The following CDAN1 variants were observed in gnomAD, a reference collection of about 807,000 sequenced individuals.
The protein encoded by CDAN1 is codanin-1.
A neutral mutation model predicts 139.8 loss-of-function variants in CDAN1; 107 were observed. The observed-to-expected ratio is 0.77, with a 90% CI of 0.65 to 0.90. The LOEUF is 0.90. Among genes scored for constraint, CDAN1 ranks in the 40% least tolerant of loss-of-function variants. CDAN1 has a pLI of 0.00. For synonymous variants in CDAN1, 776 were observed against 660.6 expected, an observed-to-expected ratio of 1.17 and a Z score of -2.68; for missense variants, 1,667 against 1,575.7, an observed-to-expected ratio of 1.06 and a Z score of -0.98.
In CDAN1 at chr15:42,733,149, G is replaced by C; in HGVS notation, c.1405C>G (p.His469Asp). The C allele has an allele frequency of 1.9e-6, 3 of 1,614,026 alleles. No homozygotes were observed. In the Admixed American group the frequency reaches 5.0e-5, roughly 27 times the overall value. ...FYEVLREWED[H>D]HEEPGWDFEK... ...AAATCCCAGCCAGGCTCCTCATGGT[G>C]ATCTTCCCACTCTCGCAGCACCTCA... Residue 469 changes from histidine (H) to aspartate (D), a missense_variant, in exon 9 of 28, where the codon CAC (histidine) becomes GAC (aspartate). Physicochemically the swap from His to Asp is moderately conservative, Grantham distance 81. Transcript: ENST00000356231.
Position 42,735,175 on chromosome 15 carries a change from G to A in CDAN1, c.1061C>T (p.Ser354Phe), listed in dbSNP as rs771447369. Residue 354 changes from serine to phenylalanine, a missense_variant, in exon 6 of 28, where the codon TCC becomes TTC. Physicochemically the swap from Ser to Phe is radical, Grantham distance 155 (BLOSUM62 -2). This residue lies in a region of CDAN1 where 244 missense variants were observed against 309.4 expected (regional missense o/e 0.79). Coordinates refer to ENST00000356231, the MANE Select transcript of CDAN1 (RefSeq NM_138477.4). ...GCTTTGGAACAGTGGACTTTCCAGGGAATCTAGAAGGACAGTACCAAGCTG... is the reference window on the plus strand; with the variant it reads ...GCTTTGGAACAGTGGACTTTCCAGGAAATCTAGAAGGACAGTACCAAGCTG... The part of the protein sequence containing the change: ...DPELSPAVLD[S>F]LESPLFQSIH... The A allele has an allele frequency of 6.2e-7, 1 of 1,613,078 alleles. No homozygotes were observed. The highest frequency in any genetic ancestry group is 8.5e-7 in the Non-Finnish European group (1 of 1,179,104).
chr15:42,735,598 G>C lies in CDAN1; in HGVS notation c.855C>G (p.Ser285Arg). The C allele has an allele frequency of 6.2e-7, 1 of 1,614,234 alleles. No individual in the cohort carries two copies. ...LGSPLPSRTGSLTDEPADPAR... is the reference protein window; with the variant it reads ...LGSPLPSRTGRLTDEPADPAR... ...CAGGGTCTGCAGGTTCATCTGTGAG[G>C]CTTCCTGTCCGGCTGGGGAGGGGCG... Residue 285 changes from serine to arginine, a missense_variant, in exon 4 of 28, where the codon AGC becomes AGG. Ser to Arg is a moderately radical substitution (Grantham distance 110). Around this residue, in one of 3 missense-constraint regions of CDAN1, gnomAD observed 487 missense variants for 422.2 expected, o/e 1.15. Transcript: ENST00000356231.
At chr15:42,727,342 T>C (rs561814134) in intron 23 of CDAN1, 111 of 387,666 alleles carry the variant, frequency 2.9e-4, no homozygotes, top group African/African-American at 2.1e-3. Context: ...ACCACCGCAC[T>C]CTCATCACCA....
rs750362336 is a variant in CDAN1 at position 42,726,052 on chromosome 15, T to C, written c.3268+45A>G. On this transcript the variant is annotated intron_variant, in intron 25 of 27. Transcript: ENST00000356231. Reference sequence around the variant, plus strand: ...TCTTGCTTGTACCCAACCCTGAGATTTGGGGGATCAGGCAAGAGAGGGATT... The same window carrying C: ...TCTTGCTTGTACCCAACCCTGAGATCTGGGGGATCAGGCAAGAGAGGGATT... 6.5e-6 allele frequency: 10 copies of C among 1,542,332 alleles called. No homozygotes were observed. The East Asian group carries it at 1.4e-4, about 21-fold the overall frequency.
At chr15:42,724,926 G>A (rs1285254859) in intron 27 of CDAN1, 3 of 634,918 alleles carry the variant, frequency 4.7e-6, no homozygotes, top group Non-Finnish European at 8.4e-6. Context: ...CATATAATGG[G>A]CTGTGCTGCT....
At position 42,723,706 on chromosome 15, in the gene CDAN1, ATC is replaced by A. The variant is rs2061488113; in HGVS notation, c.*783_*784del. Reference sequence around the variant, plus strand: ...GTTTCAGTTGGTTGAGTCCTACCTTATCTGTTTGTTAGGCTTTTTCTAGAAAG... The same window carrying A: ...GTTTCAGTTGGTTGAGTCCTACCTTATGTTTGTTAGGCTTTTTCTAGAAAG... On this transcript the variant is annotated 3_prime_UTR_variant, in exon 28 of 28. Coordinates refer to ENST00000356231, the MANE Select transcript of CDAN1 (RefSeq NM_138477.4). 1 of 152,464 alleles carries A rather than the reference ATC, an allele frequency of 6.6e-6. No homozygotes were observed. Among genetic ancestry groups the A allele is most frequent in the Admixed American group, 6.5e-5 (1 of 15,292 alleles). 9.4% of individuals were successfully genotyped at this position (152,464 alleles called of 1,614,324 possible).
At chr15:42,729,764 T>C in intron 16 of CDAN1, 32 bp downstream of exon 16, 1 of 1,605,400 alleles carries the variant, frequency 6.2e-7, no homozygotes, top group Non-Finnish European at 8.5e-7. Flanking sequence ...TTCCTGAGTT[T>C]CCCATGGCTC....
Position 42,736,751 on chromosome 15 carries a change from G to C in CDAN1, c.120C>G (p.Ser40Arg). The C allele has an allele frequency of 6.4e-7, 1 of 1,553,566 alleles. No homozygotes were observed. The highest frequency in any genetic ancestry group is 8.7e-7 in the Non-Finnish European group (1 of 1,155,074). Residue 40 changes from serine to arginine, a missense_variant, in exon 2 of 28, where the codon AGC becomes AGG. This residue lies in a region of CDAN1 where 487 missense variants were observed against 422.2 expected (regional missense o/e 1.15). Transcript: ENST00000356231. ...ATTCTTTCCGCAGGGCCCGGAGTGA[G>C]CTCAGCGCGGCCGCCTCCCCAGCGT... ...EDNAGEAAALSSLRALRKEFV... is the reference protein window; with the variant it reads ...EDNAGEAAALRSLRALRKEFV...
In CDAN1 at chr15:42,736,781, C is replaced by A; in HGVS notation, c.91-1G>T. On this transcript the variant is annotated splice_acceptor_variant, in intron 1 of 27. Transcript: ENST00000356231. LOFTEE classifies it high-confidence loss of function. ...GCGCGGCCGCCTCCCCAGCGTTATC[C>A]TAGGGCAGAAGCACAGGTGGAGGGG... 6.5e-7 allele frequency: 1 copy of A among 1,533,818 alleles called. No individual in the cohort carries two copies. Among genetic ancestry groups the A allele is most frequent in the Non-Finnish European group, 8.7e-7 (1 of 1,146,900 alleles).
At position 42,732,645 on chromosome 15, in the gene CDAN1, C is replaced by T. The variant is rs572196512; in HGVS notation, c.1458-237G>A. Among the ~76,000 whole-genome samples, 7 of 152,280 alleles carry T rather than the reference C, an allele frequency of 4.6e-5. No homozygotes were observed. The East Asian group carries it at 5.8e-4, about 13-fold the overall frequency. ...AAATCATGCGACCACACCCCCCGAC[C>T]GTCTTCAGCCACACTAACAGGCGGC... On this transcript the variant is annotated intron_variant, in intron 9 of 27. Transcript: ENST00000356231.
At chr15:42,724,684 C>T (rs2061499480) in intron 27 of CDAN1, 68 bp from the exon 28 acceptor site, 3 of 1,521,374 alleles carry the variant, frequency 2.0e-6, no homozygotes, top group East Asian at 2.5e-5. Flanking sequence ...TCCTTTGTCA[C>T]TAAAGACCAC....
Position 42,736,363 on chromosome 15 carries a change from G to C in CDAN1, c.508C>G (p.Pro170Ala), listed in dbSNP as rs1377228266. The C allele has an allele frequency of 6.2e-7, 1 of 1,613,878 alleles. No individual in the cohort carries two copies. Among genetic ancestry groups the C allele is most frequent in the Admixed American group, 1.7e-5 (1 of 60,026 alleles). ...SRPSLTLSDP[P>A]NLSNLEEFPP... ...AACTCCTCCAGGTTGCTGAGGTTTG[G>C]CGGATCAGACAGCGTGAGGCTGGGG... The change falls in exon 2 of 28, where the codon CCA becomes GCA. Residue 170 changes from proline to alanine, a missense_variant. By Grantham distance (27) the Pro-to-Ala change is conservative. Coordinates refer to ENST00000356231, the MANE Select transcript of CDAN1 (RefSeq NM_138477.4).
intron 11 of CDAN1, 90 bp downstream of exon 11, chr15:42,731,530 C>G: frequency 1.3e-6 from 2 of 1,483,254 alleles, no homozygotes; most frequent in Non-Finnish European, 1.9e-6. Context: ...TATCTCCAGG[C>G]AAAGGAGACT....
chr15:42,731,587 G>T lies in CDAN1; in HGVS notation c.1739+33C>A, dbSNP rs1364440426. ...GGAAGCCAAACCTTTCCTGGCCTCTGCCCCATTCCTTGCAAGACACAGGGG... is the reference window on the plus strand; with the variant it reads ...GGAAGCCAAACCTTTCCTGGCCTCTTCCCCATTCCTTGCAAGACACAGGGG... On this transcript the variant is annotated intron_variant, in intron 11 of 27. Transcript: ENST00000356231. 3 of 1,605,800 alleles carry T rather than the reference G, an allele frequency of 1.9e-6. No homozygotes were observed. The African/African-American group carries it at 4.0e-5, about 21-fold the overall frequency.
Position 42,725,178 on chromosome 15 carries a change from C to T in CDAN1, c.3524G>A (p.Cys1175Tyr), listed in dbSNP as rs192268080. The T allele has an allele frequency of 2.1e-4, 342 of 1,614,202 alleles. 2 individuals carry two copies. In the East Asian group the frequency reaches 6.4e-3, roughly 30 times the overall value. Reference sequence around the variant, plus strand: ...CTGGGCCTGGTGGAGGCTGCCCAGGCAGGCCTCTATCTCCATCCGTCCCAT... The same window carrying T: ...CTGGGCCTGGTGGAGGCTGCCCAGGTAGGCCTCTATCTCCATCCGTCCCAT... ...GLMGRMEIEA[C>Y]LGSLHQAQWP... Residue 1175 changes from cysteine (C) to tyrosine (Y), a missense_variant, in exon 27 of 28, where the codon TGC becomes TAC. By Grantham distance (194) the Cys-to-Tyr change is radical. Coordinates refer to ENST00000356231, the MANE Select transcript of CDAN1 (RefSeq NM_138477.4).
rs1203097900 is a variant in CDAN1, at chr15:42,731,036, G to A, written c.1896C>T (p.Ser632=). Reference sequence around the variant, plus strand: ...CCAGGAATTTAGCCAAAAGTCTCAGGCTAAGAAGCACCACAGCAAATTGCT... The same window carrying A: ...CCAGGAATTTAGCCAAAAGTCTCAGACTAAGAAGCACCACAGCAAATTGCT... The part of the protein sequence containing the change: ...ERKQFAVVLL[S]LRLLAKFLGF... Residue 632 remains serine, a synonymous_variant, in exon 13 of 28, where the codon AGC becomes AGT. Transcript: ENST00000356231. 1.9e-6 allele frequency: 3 copies of A among 1,614,072 alleles called. No homozygotes were observed. The highest frequency in any genetic ancestry group is 2.5e-6 in the Non-Finnish European group (3 of 1,180,042).
Position 42,736,468 on chromosome 15 carries a change from C to A in CDAN1, c.403G>T (p.Gly135Cys). 6.6e-7 allele frequency: 1 copy of A among 1,514,376 alleles called. No individual in the cohort carries two copies. Among genetic ancestry groups the A allele is most frequent in the Admixed American group, 2.2e-5 (1 of 45,910 alleles). The allele number at this position is 1,514,376 out of a possible 1,614,324, so 93.8% of individuals were successfully genotyped here. A position where few individuals can be genotyped will look rare whatever the true frequency, so the allele number is the denominator to read the frequency against. ...PGPARERGGR[G>C]LEEGVSGESL... ...TCCCCGCTGACCCCCTCCTCCAGGC[C>A]GCGGCCTCCACGCTCGCGGGCCGGC... Residue 135 changes from glycine to cysteine, a missense_variant, in exon 2 of 28, where the codon GGC becomes TGC. This residue lies in a region of CDAN1 where 487 missense variants were observed against 422.2 expected (regional missense o/e 1.15). Transcript: ENST00000356231.
rs777719373 is a variant in CDAN1 at position 42,736,284 on chromosome 15, A to G, written c.569+18T>C. ...AGCCTTCGTGGTACCCATCTCCTGC[A>G]TGAGAGCTGAGTCTCACCCTGTAGG... is the stretch of plus-strand genomic sequence containing the variant. On this transcript the variant is annotated intron_variant, in intron 2 of 27. Transcript: ENST00000356231. 2.5e-6 allele frequency: 4 copies of G among 1,613,256 alleles called. No individual in the cohort carries two copies. The highest frequency in any genetic ancestry group is 3.4e-6 in the Non-Finnish European group (4 of 1,179,912).
chr15:42,730,373 CTG>C (rs1381626498), intron 14 of CDAN1, among the ~76,000 whole-genome samples, 158 bp from the exon 15 acceptor site: 2 of 152,232 alleles, frequency 1.3e-5, no homozygotes, highest in East Asian at 3.8e-4. Context: ...TGCATGGGGA[CTG>C]TCTCTCAGCG....
Sources: gnomAD v4.1 joint callset for allele counts (sites outside exome capture counted in the v4.1 genomes callset) on GRCh38, gnomAD v4.1.1 for gene constraint, gnomAD v4.1.1 regional missense constraint, MANE v1.5 for transcripts, NCBI Gene and HGNC (gene_info 2026-07-23, HGNC 2026-07-21) for gene names.